SLC35D4: variants seen among roughly 807,000 people sequenced by gnomAD.
The protein encoded by SLC35D4 is UDP-N-acetylglucosamine transporter SLC35D4.
the SLC35D4 span, among the ~76,000 whole-genome samples, chr18:23,241,287 CGAGGTGGGT>C: frequency 6.6e-6 from 1 of 151,834 alleles, no homozygotes; most frequent in Non-Finnish European, 1.5e-5. Flanking sequence ...TTTGGGAGGC[CGAGGTGGGT>C]AAGGTGGGGG....
At chr18:23,275,607 CTGTG>C in the SLC35D4 span, among the ~76,000 whole-genome samples, 1 of 83,706 alleles carries the variant, frequency 1.2e-5, no homozygotes, top group African/African-American at 4.8e-5. Context: ...CTGTGCTGTG[CTGTG>C]CTGTGCTGTG....
At chr18:23,398,135 T>C in the SLC35D4 span, among the ~76,000 whole-genome samples, 1 of 152,184 alleles carries the variant, frequency 6.6e-6, no homozygotes, top group African/African-American at 2.4e-5. Context: ...AGCAAGACTT[T>C]CCACACCTAC....
chr18:23,359,074 C>T, the SLC35D4 span, among the ~76,000 whole-genome samples: 2 of 152,078 alleles, frequency 1.3e-5, no homozygotes, highest in African/African-American at 4.8e-5. Flanking sequence ...GGCTTAAGCA[C>T]AAATCAAGTG....
chr18:23,373,336 C>CA, the SLC35D4 span, among the ~76,000 whole-genome samples: 1 of 151,958 alleles, frequency 6.6e-6, no homozygotes, highest in South Asian at 2.1e-4. Flanking sequence ...AAAACAAAAA[C>CA]AAAAAATCAC....
chr18:23,422,209 T>C, the SLC35D4 span, among the ~76,000 whole-genome samples: 1 of 152,138 alleles, frequency 6.6e-6, no homozygotes, highest in East Asian at 1.9e-4. Flanking sequence ...TGGTGAGGTT[T>C]GGGCTTCCAG....
chr18:23,437,749 G>T, the SLC35D4 span: 4 of 1,600,524 alleles, frequency 2.5e-6, 1 homozygote, highest in South Asian at 4.5e-5. Context: ...CCTCCCACGT[G>T]CAATCGCTGC....
At chr18:23,257,142 C>G in the SLC35D4 span, 11 of 1,476,272 alleles carry the variant, frequency 7.5e-6, no homozygotes, top group Non-Finnish European at 6.5e-6. Flanking sequence ...CACTCACTGG[C>G]TGGTGGATAG....
chr18:23,309,829 A>C, the SLC35D4 span: 362 of 1,345,978 alleles, frequency 2.7e-4, no homozygotes, highest in Non-Finnish European at 3.5e-4. Context: ...AGCTTAGCTC[A>C]CTTGAGTTCG....
At chr18:23,340,086 C>T in the SLC35D4 span, among the ~76,000 whole-genome samples, 1 of 152,140 alleles carries the variant, frequency 6.6e-6, no homozygotes, top group African/African-American at 2.4e-5. Context: ...CCGTGCATGC[C>T]TCTCTCCTAT....
the SLC35D4 span, among the ~76,000 whole-genome samples, chr18:23,402,265 C>A: frequency 6.6e-6 from 1 of 151,740 alleles, no homozygotes; most frequent in Non-Finnish European, 1.5e-5. Context: ...AGGGATAGGG[C>A]AAAAAGGAAA....
the SLC35D4 span, among the ~76,000 whole-genome samples, chr18:23,270,343 G>A: frequency 6.6e-6 from 1 of 152,234 alleles, no homozygotes; most frequent in East Asian, 1.9e-4. Context: ...GATTTCAGAG[G>A]ATATGTAGGA....
At chr18:23,351,108 A>T in the SLC35D4 span, among the ~76,000 whole-genome samples, 136 of 152,306 alleles carry the variant, frequency 8.9e-4, no homozygotes, top group African/African-American at 3.2e-3. Flanking sequence ...TAATGCTATT[A>T]AAAAATAGGC....
At chr18:23,384,710 C>A in the SLC35D4 span, among the ~76,000 whole-genome samples, 3 of 152,168 alleles carry the variant, frequency 2.0e-5, no homozygotes, top group Admixed American at 2.0e-4. Flanking sequence ...GGAATGCTTC[C>A]CCAGCAGGCC....
At chr18:23,266,172 T>G in the SLC35D4 span, among the ~76,000 whole-genome samples, 2 of 152,002 alleles carry the variant, frequency 1.3e-5, no homozygotes, top group Non-Finnish European at 2.9e-5. Context: ...CAGGGGCAGC[T>G]GACACTAGGA....
the SLC35D4 span, among the ~76,000 whole-genome samples, chr18:23,426,253 T>C: frequency 6.6e-6 from 1 of 152,106 alleles, no homozygotes; most frequent in Non-Finnish European, 1.5e-5. Flanking sequence ...ATAATCAAAA[T>C]AATTATAAAC....
chr18:23,425,095 T>C, the SLC35D4 span, among the ~76,000 whole-genome samples: 9 of 152,198 alleles, frequency 5.9e-5, 1 homozygote, highest in South Asian at 1.9e-3. Context: ...GAAAAATGAC[T>C]TTATTATTTT....
chr18:23,251,778 G>C, the SLC35D4 span, among the ~76,000 whole-genome samples: 2 of 152,146 alleles, frequency 1.3e-5, no homozygotes, highest in Non-Finnish European at 2.9e-5. Context: ...GCTACAATGA[G>C]ATTGACCCTT....
chr18:23,409,021 G>C, the SLC35D4 span, among the ~76,000 whole-genome samples: 1 of 151,934 alleles, frequency 6.6e-6, no homozygotes, highest in Non-Finnish European at 1.5e-5. Flanking sequence ...TGTAATTCCT[G>C]TTACTTGGGA....
chr18:23,302,386 T>G, the SLC35D4 span, among the ~76,000 whole-genome samples: 1 of 152,222 alleles, frequency 6.6e-6, no homozygotes, highest in Admixed American at 6.5e-5. Flanking sequence ...ATGTCGGGGA[T>G]GTTTTTCATT....
Sources: gnomAD v4.1 joint callset for allele counts (sites outside exome capture counted in the v4.1 genomes callset) on GRCh38, gnomAD v4.1.1 for gene constraint, MANE v1.5 for transcripts, NCBI Gene and HGNC (gene_info 2026-07-23, HGNC 2026-07-21) for gene names.